The following DISP1 variants were observed in gnomAD, a reference collection of about 807,000 sequenced individuals.
DISP1 encodes the protein protein dispatched homolog 1.
DISP1 carries 30 observed loss-of-function variants against 37.3 expected under a neutral mutation model. The observed-to-expected ratio is 0.80, with a 90% CI of 0.60 to 1.09. DISP1 has a LOEUF of 1.09. Among genes scored for constraint, DISP1 ranks in the 50% least tolerant of loss-of-function variants. The pLI is 0.00. For synonymous variants in DISP1, 634 were observed against 690.2 expected, an observed-to-expected ratio of 0.92 and a Z score of 1.28; for missense variants, 1,598 against 1,879.5, an observed-to-expected ratio of 0.85 and a Z score of 2.77.
intron 1 of DISP1, among the ~76,000 whole-genome samples, chr1:222,856,360 G>A (rs868868066): frequency 9.2e-5 from 14 of 152,246 alleles, no homozygotes; most frequent in Middle Eastern, 6.8e-3. Context: ...TTCCTTTTCC[G>A]AACTTGAAGG....
intron 1 of DISP1, among the ~76,000 whole-genome samples, chr1:222,922,478 T>C (rs1558330954): frequency 1.3e-5 from 2 of 152,040 alleles, no homozygotes; most frequent in Non-Finnish European, 2.9e-5. Context: ...GTATACAGGG[T>C]GTAAAGGTCA....
In DISP1 at chr1:223,002,574, A is replaced by C. The variant is rs749704141; in HGVS notation, c.1177A>C (p.Thr393Pro). 6 of 1,614,088 alleles carry C rather than the reference A, an allele frequency of 3.7e-6. No individual in the cohort carries two copies. The highest frequency in any genetic ancestry group is 5.1e-6 in the Non-Finnish European group (6 of 1,180,010). ...TTGTGCCAAACACTACCAAAATGGC[A>C]CTCTGGGGCCAGACTGCTGGGACAT... ...RTCAKHYQNG[T>P]LGPDCWDMAA... is the part of the protein sequence containing the mutation. The change falls in exon 9 of 9, where the codon ACT (threonine) becomes CCT (proline). Residue 393 changes from threonine to proline, a missense_variant. Thr to Pro is a conservative substitution (Grantham distance 38, BLOSUM62 -1). Coordinates refer to ENST00000675850, the MANE Select transcript of DISP1 (RefSeq NM_001377229.1).
intron 7 of DISP1, 93 bp downstream of exon 7, chr1:222,992,203 C>A: frequency 2.0e-6 from 2 of 1,025,486 alleles, no homozygotes; most frequent in Non-Finnish European, 3.0e-6. Context: ...CCGTGTGTGG[C>A]TAGTCACACA....
intron 1 of DISP1, among the ~76,000 whole-genome samples, chr1:222,916,383 C>G (rs942322564): frequency 2.0e-5 from 3 of 152,210 alleles, no homozygotes; most frequent in African/African-American, 7.2e-5. Context: ...GTAAAGTCTA[C>G]CATTTGGGAT....
At chr1:222,957,709 A>C (rs1430715663) in intron 3 of DISP1, among the ~76,000 whole-genome samples, 1 of 152,228 alleles carries the variant, frequency 6.6e-6, no homozygotes, top group African/African-American at 2.4e-5. Context: ...CATCTTAAGA[A>C]GAAATAATTA....
At chr1:222,981,788 G>A (rs185020780) in intron 3 of DISP1, among the ~76,000 whole-genome samples, 5 of 152,298 alleles carry the variant, frequency 3.3e-5, no homozygotes, top group Admixed American at 3.3e-4. Flanking sequence ...TCCAAGTATG[G>A]TACAGTCTGG....
At chr1:222,949,406 A>C (rs1245590733) in intron 3 of DISP1, among the ~76,000 whole-genome samples, 5 of 152,110 alleles carry the variant, frequency 3.3e-5, no homozygotes, top group Admixed American at 2.0e-4. Flanking sequence ...AAAAATACAT[A>C]AAATTAAAAT....
intron 4 of DISP1, chr1:222,989,313 G>T (rs1448523600): frequency 1.1e-6 from 1 of 951,042 alleles, no homozygotes; most frequent in Non-Finnish European, 1.3e-6. Flanking sequence ...GAGAGTAGTG[G>T]TCCACAAGTT....
intron 1 of DISP1, among the ~76,000 whole-genome samples, chr1:222,917,160 A>T (rs891187895): frequency 1.8e-4 from 28 of 152,224 alleles, no homozygotes; most frequent in Non-Finnish European, 1.0e-4. Flanking sequence ...TTTGCTCACT[A>T]GAAGCAAGGA....
intron 1 of DISP1, among the ~76,000 whole-genome samples, chr1:222,881,265 G>A (rs1389125894): frequency 6.6e-6 from 1 of 151,802 alleles, no homozygotes; most frequent in African/African-American, 2.4e-5. Flanking sequence ...GCGCCATCTC[G>A]GCTCACCGCA....
At chr1:223,000,484 G>A (rs1679355429) in intron 8 of DISP1, among the ~76,000 whole-genome samples, 1 of 152,124 alleles carries the variant, frequency 6.6e-6, no homozygotes, top group Non-Finnish European at 1.5e-5. Flanking sequence ...TGAAGGCTTT[G>A]TTAAAGTAAA....
At chr1:222,889,560 ATT>A (rs35743676) in intron 1 of DISP1, among the ~76,000 whole-genome samples, 86 of 141,812 alleles carry the variant, frequency 6.1e-4, no homozygotes, top group African/African-American at 8.8e-4. Context: ...CCATGCAACT[ATT>A]TTTTTTTTTT....
intron 1 of DISP1, among the ~76,000 whole-genome samples, chr1:222,903,963 C>T (rs1671758504): frequency 6.6e-6 from 1 of 152,154 alleles, no homozygotes; most frequent in Non-Finnish European, 1.5e-5. Flanking sequence ...TTTTTATTTT[C>T]ATCTGCTTCA....
chr1:222,989,157 C>G (rs1227105886), intron 4 of DISP1, among the ~76,000 whole-genome samples: 1 of 152,024 alleles, frequency 6.6e-6, no homozygotes, highest in Non-Finnish European at 1.5e-5. Flanking sequence ...TTTTTTCAGA[C>G]TGACATTTAG....
At chr1:222,972,307 A>G (rs956014058) in intron 3 of DISP1, among the ~76,000 whole-genome samples, 4 of 151,906 alleles carry the variant, frequency 2.6e-5, no homozygotes, top group Admixed American at 2.6e-4. Flanking sequence ...CTTAAAGATT[A>G]TTTTCCTTTT....
At chr1:222,884,162 C>T (rs2125372684) in intron 1 of DISP1, among the ~76,000 whole-genome samples, 1 of 152,226 alleles carries the variant, frequency 6.6e-6, no homozygotes, top group South Asian at 2.1e-4. Flanking sequence ...TATCCCTTCA[C>T]CTGGCCCAGG....
At position 223,003,656 on chromosome 1, in the gene DISP1, G is replaced by A; in HGVS notation, c.2259G>A (p.Gln753=). Residue 753 remains glutamine (Q), a synonymous_variant, in exon 9 of 9, where the codon CAG becomes CAA. Transcript: ENST00000675850. This position sits in a 1 kb window ranked among gnomAD's most constrained non-coding sequence, Gnocchi z 4.3. The part of the protein sequence containing the change: ...KLPSLELSEF[Q]VFRSSHPFER... ...CCTCACTGGAGTTATCCGAGTTCCAGGTGTTCCGGTCGTCCCATCCTTTTG... is the reference window on the plus strand; with the variant it reads ...CCTCACTGGAGTTATCCGAGTTCCAAGTGTTCCGGTCGTCCCATCCTTTTG... 1 of 1,614,148 alleles carries A rather than the reference G, an allele frequency of 6.2e-7. No individual in the cohort carries two copies.
chr1:222,887,500 T>G (rs1394970036), intron 1 of DISP1, among the ~76,000 whole-genome samples: 13 of 124,590 alleles, frequency 1.0e-4, no homozygotes, highest in South Asian at 5.6e-4. Context: ...TTTTTTTTTT[T>G]TTTTTTTTTG....
At chr1:222,840,814 G>A (rs1303453617) in intron 1 of DISP1, among the ~76,000 whole-genome samples, 5 of 151,524 alleles carry the variant, frequency 3.3e-5, no homozygotes, top group African/African-American at 7.3e-5. Context: ...CGCCCACCTC[G>A]GCCTCCCAAA....
Sources: gnomAD v4.1 joint callset for allele counts (sites outside exome capture counted in the v4.1 genomes callset) on GRCh38, gnomAD v4.1.1 for gene constraint, Gnocchi (gnomAD v3.1) non-coding constraint, MANE v1.5 for transcripts, NCBI Gene and HGNC (gene_info 2026-07-23, HGNC 2026-07-21) for gene names.